LRIF1: variants seen among roughly 807,000 people sequenced by gnomAD.
The protein encoded by LRIF1 is ligand dependent nuclear receptor interacting factor 1.
Under a neutral mutation model 52.7 loss-of-function variants are expected in LRIF1, and 32 were observed. The observed-to-expected ratio is 0.61, with a 90% CI of 0.46 to 0.82. LRIF1 has a LOEUF of 0.82. Ranked by LOEUF, LRIF1 falls within the 40% of genes least tolerant of loss-of-function variation. LRIF1 has a pLI of 0.00. For missense variants in LRIF1, 887 were observed against 892.0 expected, an observed-to-expected ratio of 0.99 and a Z score of 0.07; for synonymous variants, 323 against 317.4, an observed-to-expected ratio of 1.02 and a Z score of -0.19.
At chr1:110,957,189 G>T (rs1435113247) in intron 1 of LRIF1, among the ~76,000 whole-genome samples, 1 of 151,522 alleles carries the variant, frequency 6.6e-6, no homozygotes, top group African/African-American at 2.4e-5. Context: ...CAGGTGCGGT[G>T]GCTCACGCCT....
chr1:110,882,952 T>C, the LRIF1 span, among the ~76,000 whole-genome samples: 1 of 152,056 alleles, frequency 6.6e-6, no homozygotes, highest in Non-Finnish European at 1.5e-5. Flanking sequence ...TCTAGTAGTA[T>C]TTTTGTAGAT....
chr1:110,916,761 A>C, the LRIF1 span, among the ~76,000 whole-genome samples: 1 of 152,240 alleles, frequency 6.6e-6, no homozygotes, highest in East Asian at 1.9e-4. Context: ...GGCACTAACC[A>C]AATAAAAGCC....
At chr1:110,948,768 C>T (rs1658325218) in intron 3 of LRIF1, among the ~76,000 whole-genome samples, 1 of 152,270 alleles carries the variant, frequency 6.6e-6, no homozygotes. Flanking sequence ...AAAAGGTTTA[C>T]TAGTCTCTGA....
the LRIF1 span, among the ~76,000 whole-genome samples, chr1:110,878,537 ACTTTT>A: frequency 6.6e-6 from 1 of 152,136 alleles, no homozygotes; most frequent in African/African-American, 2.4e-5. Flanking sequence ...TCTTCTTTAT[ACTTTT>A]CTTTATTTTT....
At chr1:110,886,336 C>T in the LRIF1 span, among the ~76,000 whole-genome samples, 2 of 152,004 alleles carry the variant, frequency 1.3e-5, no homozygotes, top group African/African-American at 2.4e-5. Flanking sequence ...CTTAGTGTAG[C>T]TTTCTTCATG....
At chr1:110,890,570 A>G in the LRIF1 span, among the ~76,000 whole-genome samples, 7 of 122,324 alleles carry the variant, frequency 5.7e-5, no homozygotes, top group African/African-American at 1.6e-4. Flanking sequence ...CTGAAAGAAG[A>G]AAGAAAGAAA....
the LRIF1 span, among the ~76,000 whole-genome samples, chr1:110,931,442 CAT>C: frequency 6.6e-6 from 1 of 152,184 alleles, no homozygotes; most frequent in East Asian, 1.9e-4. Flanking sequence ...GCGCAAGAAA[CAT>C]ATGTGTGCAT....
chr1:110,935,511 C>T, the LRIF1 span, among the ~76,000 whole-genome samples: 1 of 152,114 alleles, frequency 6.6e-6, no homozygotes, highest in Admixed American at 6.5e-5. Context: ...AAAAGAATTA[C>T]AATTTTTTCA....
At position 110,954,027 on chromosome 1, in the gene LRIF1, T is replaced by C. The variant is rs1247491706; in HGVS notation, c.69-1212A>G. 4.6e-5 allele frequency among the ~76,000 whole-genome samples: 7 copies of C among 152,294 alleles called. No individual in the cohort carries two copies. In the East Asian group the frequency reaches 1.4e-3, roughly 29 times the overall value. On this transcript the variant is annotated intron_variant, in intron 1 of 3. Coordinates refer to ENST00000369763, the MANE Select transcript of LRIF1 (RefSeq NM_018372.4). ...GCATCCATATACCATAGACCTAGCATGGTCTTAGATAACTAAGATCAAATA... is the reference window on the plus strand; with the variant it reads ...GCATCCATATACCATAGACCTAGCACGGTCTTAGATAACTAAGATCAAATA...
the LRIF1 span, among the ~76,000 whole-genome samples, chr1:110,902,428 C>A: frequency 8.2e-6 from 1 of 122,384 alleles, no homozygotes; most frequent in Non-Finnish European, 1.6e-5. Flanking sequence ...GGAACAAAGG[C>A]AAGAAACATC....
the LRIF1 span, among the ~76,000 whole-genome samples, chr1:110,879,620 C>T: frequency 4.6e-5 from 7 of 151,912 alleles, no homozygotes; most frequent in African/African-American, 7.3e-5. Flanking sequence ...ATCTCATAAG[C>T]GTAATGGTCT....
chr1:110,884,450 G>C, the LRIF1 span, among the ~76,000 whole-genome samples: 1 of 152,010 alleles, frequency 6.6e-6, no homozygotes, highest in Non-Finnish European at 1.5e-5. Context: ...GCTGTTGTGG[G>C]GTGGAGTGTT....
At chr1:110,891,406 G>A in the LRIF1 span, 21 of 1,612,160 alleles carry the variant, frequency 1.3e-5, no homozygotes, top group South Asian at 7.7e-5. Flanking sequence ...AGAATATCAC[G>A]GCATGGGCAT....
the LRIF1 span, among the ~76,000 whole-genome samples, chr1:110,923,005 C>T: frequency 1.3e-5 from 2 of 152,142 alleles, no homozygotes; most frequent in African/African-American, 2.4e-5. Context: ...AACTTCCACA[C>T]CTCAAGAACT....
chr1:110,888,556 G>A, the LRIF1 span, among the ~76,000 whole-genome samples: 1 of 152,206 alleles, frequency 6.6e-6, no homozygotes, highest in Non-Finnish European at 1.5e-5. Context: ...TGTTTCAGGT[G>A]AGGGGGTAAA....
At chr1:110,877,448 G>A in the LRIF1 span, among the ~76,000 whole-genome samples, 1 of 152,164 alleles carries the variant, frequency 6.6e-6, no homozygotes, top group East Asian at 1.9e-4. Flanking sequence ...CTGGTCTCTT[G>A]ACTCTGTAAC....
chr1:110,961,104 T>C (rs911064280), intron 1 of LRIF1, among the ~76,000 whole-genome samples: 1 of 152,216 alleles, frequency 6.6e-6, no homozygotes, highest in Non-Finnish European at 1.5e-5. Flanking sequence ...CCTGCTTTTA[T>C]CTTTAACTGG....
intron 1 of LRIF1, among the ~76,000 whole-genome samples, chr1:110,953,244 T>G (rs536499889): frequency 6.6e-6 from 1 of 152,298 alleles, no homozygotes; most frequent in African/African-American, 2.4e-5. Flanking sequence ...TCCCCCTCAA[T>G]CTGTTCTGTC....
In LRIF1 at chr1:110,952,452, T is replaced by TC. The variant is rs780653248; in HGVS notation, c.431dup (p.Leu145ThrfsTer22). On this transcript the variant is annotated frameshift_variant, in exon 2 of 4. Transcript: ENST00000369763. LOFTEE classifies it high-confidence loss of function. ...GAACAGCAAATGTTTGCATGGTGAGTCCATCAATTTTCACACCATGACTCT... is the reference window on the plus strand; with the variant it reads ...GAACAGCAAATGTTTGCATGGTGAGTCCCATCAATTTTCACACCATGACTCT... 10 of 1,611,580 alleles carry TC rather than the reference T, an allele frequency of 6.2e-6. No homozygotes were observed.
Sources: allele counts gnomAD v4.1 joint callset (sites outside exome capture counted in the v4.1 genomes callset), GRCh38; gene constraint gnomAD v4.1.1; transcripts MANE v1.5; gene names NCBI Gene and HGNC (gene_info 2026-07-23, HGNC 2026-07-21).